Variants in SPAG16 observed in about 807,000 individuals in gnomAD.
SPAG16 encodes the protein sperm associated antigen 16.
In SPAG16, 86 loss-of-function variants were observed where a neutral mutation model predicts 80.4. The observed-to-expected ratio is 1.07, with a 90% CI of 0.90 to 1.28. The LOEUF (loss-of-function observed/expected upper bound fraction) is 1.28. Ranked by LOEUF, SPAG16 falls within the 50% of genes most tolerant of loss-of-function variation. SPAG16 has a pLI of 0.00. For synonymous variants in SPAG16, 294 were observed against 265.9 expected, an observed-to-expected ratio of 1.11 and a Z score of -1.03; for missense variants, 870 against 765.3, an observed-to-expected ratio of 1.14 and a Z score of -1.61.
chr2:213,912,055 G>T (rs1344407843), intron 11 of SPAG16, among the ~76,000 whole-genome samples: 1 of 152,044 alleles, frequency 6.6e-6, no homozygotes, highest in East Asian at 1.9e-4. Context: ...AGGTTATTCT[G>T]TAAACTGTAT....
At chr2:214,171,505 C>T (rs2056866962) in intron 15 of SPAG16, among the ~76,000 whole-genome samples, 1 of 151,904 alleles carries the variant, frequency 6.6e-6, no homozygotes, top group Non-Finnish European at 1.5e-5. Flanking sequence ...GGGCCTTTGA[C>T]TCTAGTCATT....
intron 15 of SPAG16, among the ~76,000 whole-genome samples, chr2:214,166,134 T>C (rs78455741): frequency 0.016 from 2,447 of 152,284 alleles, 61 homozygotes; most frequent in African/African-American, 0.056. Flanking sequence ...TAGATTTTCA[T>C]AGTACATAGT....
intron 15 of SPAG16, among the ~76,000 whole-genome samples, chr2:214,400,544 G>C (rs1701647548): frequency 1.3e-5 from 2 of 152,008 alleles, no homozygotes; most frequent in Non-Finnish European, 2.9e-5. Flanking sequence ...GAAGGGACTT[G>C]AGCATCTGAA....
At position 213,563,397 on chromosome 2, in the gene SPAG16, A is replaced by G. The variant is rs189188129; in HGVS notation, c.1070+73307A>G. On this transcript the variant is annotated intron_variant, in intron 10 of 15. Transcript: ENST00000331683. Reference sequence around the variant, plus strand: ...GGGCTGTCATAACAATATACTATAGACTAGGTGGCTTTAATAACAGACATT... The same window carrying G: ...GGGCTGTCATAACAATATACTATAGGCTAGGTGGCTTTAATAACAGACATT... Among the ~76,000 whole-genome samples the G allele has an allele frequency of 8.5e-4, 129 of 152,332 alleles. 1 individual carries two copies. The highest frequency in any genetic ancestry group is 6.9e-3 in the Admixed American group (106 of 15,300).
chr2:214,052,050 G>C (rs183971011), intron 13 of SPAG16, among the ~76,000 whole-genome samples: 3 of 152,168 alleles, frequency 2.0e-5, no homozygotes, highest in South Asian at 4.2e-4. Context: ...TCAAACATTT[G>C]AATGTGCTAT....
intron 15 of SPAG16, among the ~76,000 whole-genome samples, chr2:214,329,502 T>A (rs1316233498): frequency 6.6e-6 from 1 of 152,184 alleles, no homozygotes. Flanking sequence ...AAAATGCAAA[T>A]TGAAGCTAGA....
chr2:213,609,137 A>G (rs2061361551), intron 10 of SPAG16, among the ~76,000 whole-genome samples: 1 of 152,228 alleles, frequency 6.6e-6, no homozygotes, highest in Non-Finnish European at 1.5e-5. Context: ...TCAAAACAAA[A>G]ATGAAGAGCC....
chr2:213,407,961 CAG>C (rs748473801), intron 9 of SPAG16, among the ~76,000 whole-genome samples: 16 of 75,050 alleles, frequency 2.1e-4, no homozygotes, highest in Non-Finnish European at 3.5e-4. Flanking sequence ...AGGAGAGAGG[CAG>C]AGAGAGAGAC....
chr2:213,601,112 G>A (rs576054000), intron 10 of SPAG16, among the ~76,000 whole-genome samples: 1 of 152,266 alleles, frequency 6.6e-6, no homozygotes, highest in African/African-American at 2.4e-5. Flanking sequence ...AAGTCTGTTG[G>A]GCCTGCAGAA....
chr2:213,943,669 T>C (rs1283295894), intron 12 of SPAG16, among the ~76,000 whole-genome samples: 17 of 152,174 alleles, frequency 1.1e-4, no homozygotes, highest in Non-Finnish European at 1.3e-4. Context: ...TGACTGCTTA[T>C]AGTAAAGTGT....
chr2:214,294,792 T>C (rs1694022312), intron 15 of SPAG16, among the ~76,000 whole-genome samples: 1 of 152,226 alleles, frequency 6.6e-6, no homozygotes, highest in African/African-American at 2.4e-5. Context: ...GAAGAGAGTT[T>C]ATCAAACAAA....
At chr2:213,864,788 A>G (rs2075621008) in intron 11 of SPAG16, among the ~76,000 whole-genome samples, 1 of 152,090 alleles carries the variant, frequency 6.6e-6, no homozygotes, top group Non-Finnish European at 1.5e-5. Context: ...TATTCTTGAC[A>G]TGATTGTGGT....
At chr2:213,304,644 C>T (rs1559389611) in intron 3 of SPAG16, among the ~76,000 whole-genome samples, 1 of 152,138 alleles carries the variant, frequency 6.6e-6, no homozygotes, top group Non-Finnish European at 1.5e-5. Flanking sequence ...GTCTTTTCCC[C>T]TAATGTATGT....
chr2:214,349,151 C>T (rs973143343), intron 15 of SPAG16, among the ~76,000 whole-genome samples: 5 of 152,136 alleles, frequency 3.3e-5, no homozygotes, highest in Admixed American at 1.3e-4. Context: ...AGCAGACTCC[C>T]TGCATGTGTA....
intron 12 of SPAG16, among the ~76,000 whole-genome samples, chr2:213,995,377 GA>G (rs2046468633): frequency 1.3e-5 from 2 of 152,140 alleles, no homozygotes; most frequent in African/African-American, 2.4e-5. Flanking sequence ...TTATAGCAGA[GA>G]AAAAAACTGA....
intron 15 of SPAG16, among the ~76,000 whole-genome samples, chr2:214,296,290 C>T (rs999165573): frequency 6.6e-6 from 1 of 152,114 alleles, no homozygotes; most frequent in African/African-American, 2.4e-5. Flanking sequence ...ATCCTATCAT[C>T]CATTGATGTG....
intron 1 of SPAG16, among the ~76,000 whole-genome samples, chr2:213,285,229 C>T (rs1024877067): frequency 6.6e-6 from 1 of 151,988 alleles, no homozygotes. Flanking sequence ...AAATAATGAT[C>T]TGGTGAGCTA....
chr2:213,980,712 G>GTATATATATA (rs1553686607), intron 12 of SPAG16, among the ~76,000 whole-genome samples: 6 of 114,002 alleles, frequency 5.3e-5, no homozygotes, highest in African/African-American at 2.3e-4. Context: ...GTGTGTGTGT[G>GTATATATATA]TATATATATA....
intron 14 of SPAG16, among the ~76,000 whole-genome samples, chr2:214,136,267 C>A (rs1220445105): frequency 6.6e-6 from 1 of 152,090 alleles, no homozygotes; most frequent in South Asian, 2.1e-4. Context: ...CTTAGTGGGG[C>A]CACACTAACC....
Sources: gnomAD v4.1 joint callset for allele counts (sites outside exome capture counted in the v4.1 genomes callset) on GRCh38, gnomAD v4.1.1 for gene constraint, MANE v1.5 for transcripts, NCBI Gene and HGNC (gene_info 2026-07-23, HGNC 2026-07-21) for gene names.